The following TRMT44 variants were observed in gnomAD, a reference collection of about 807,000 sequenced individuals.
TRMT44 encodes the protein tRNA methyltransferase 44 homolog.
A neutral mutation model predicts 77.3 loss-of-function variants in TRMT44; 78 were observed. That is an observed-to-expected ratio of 1.01 (90% CI 0.84 to 1.22). The LOEUF (loss-of-function observed/expected upper bound fraction) is 1.22, where lower values mean the gene tolerates loss of function less well. TRMT44 is among the 50% of genes most tolerant of loss of function. The pLI is 0.00. For missense variants in TRMT44, 1,090 were observed against 964.4 expected (o/e 1.13, Z -1.73); for synonymous variants, 391 against 383.3 (o/e 1.02, Z -0.23).
At chr4:8,497,288 G>C (rs75962431), downstream of TRMT44, among the ~76,000 whole-genome samples, 3 of 152,162 alleles carry the variant, frequency 2.0e-5, no homozygotes, top group Admixed American at 6.5e-5. Context: ...GCAGCTGCAA[G>C]TCCACAAGCT....
the TRMT44 span, among the ~76,000 whole-genome samples, chr4:8,499,119 G>C: frequency 6.6e-6 from 1 of 152,134 alleles, no homozygotes; most frequent in Non-Finnish European, 1.5e-5. Context: ...TTCCCCAGGA[G>C]CTTCAGAGTG....
chr4:8,455,401 C>T (rs927916873), intron 6 of TRMT44, among the ~76,000 whole-genome samples: 8 of 152,244 alleles, frequency 5.3e-5, no homozygotes, highest in Non-Finnish European at 8.8e-5. Context: ...AAGCGAGATG[C>T]CCCCTGGCGG....
At chr4:8,500,479 G>A in the TRMT44 span, among the ~76,000 whole-genome samples, 1 of 152,000 alleles carries the variant, frequency 6.6e-6, no homozygotes, top group Non-Finnish European at 1.5e-5. Context: ...CTGGGCAACA[G>A]AGCGAGACTC....
At chr4:8,464,310 A>G (rs374615508) in intron 7 of TRMT44, among the ~76,000 whole-genome samples, 1 of 152,260 alleles carries the variant, frequency 6.6e-6, no homozygotes, top group Non-Finnish European at 1.5e-5. Flanking sequence ...CTACTGGAAA[A>G]TATAAAATTA....
chr4:8,504,395 G>T, the TRMT44 span, among the ~76,000 whole-genome samples: 2 of 152,180 alleles, frequency 1.3e-5, no homozygotes, highest in South Asian at 4.1e-4. This position sits in a 1 kb window ranked among gnomAD's most constrained non-coding sequence, Gnocchi z 5.3. Context: ...CCGGGCCTGC[G>T]CTGCTGCCCT....
chr4:8,508,512 C>A, the TRMT44 span, among the ~76,000 whole-genome samples: 2 of 152,238 alleles, frequency 1.3e-5, no homozygotes, highest in South Asian at 2.1e-4. Flanking sequence ...CGGAGTTGAA[C>A]CTGATGTCTG....
chr4:8,492,432 C>G (rs190181068), intron 2 of TRMT44, among the ~76,000 whole-genome samples: 1 of 152,188 alleles, frequency 6.6e-6, no homozygotes, highest in African/African-American at 2.4e-5. Flanking sequence ...GACAACTAAC[C>G]TAACCGACTC....
chr4:8,464,666 G>T (rs558576163), intron 7 of TRMT44, among the ~76,000 whole-genome samples: 1 of 152,290 alleles, frequency 6.6e-6, no homozygotes, highest in African/African-American at 2.4e-5. Flanking sequence ...CTCAGGCTTC[G>T]TTGTGCTTCC....
At chr4:8,456,197 T>C (rs2109120622) in intron 6 of TRMT44, among the ~76,000 whole-genome samples, 1 of 152,342 alleles carries the variant, frequency 6.6e-6, no homozygotes, top group Admixed American at 6.5e-5. Flanking sequence ...TCACTGCTCG[T>C]TCCTACTGCA....
In TRMT44 at chr4:8,444,584, G is replaced by C. The variant is rs910683244; in HGVS notation, c.620-1892G>C. ...AGCTAATTTTTGTATTTTTCGTAGAGATGGGGTTTCACCATGTTGGCCAGA... is the reference window on the plus strand; with the variant it reads ...AGCTAATTTTTGTATTTTTCGTAGACATGGGGTTTCACCATGTTGGCCAGA... On this transcript the variant is annotated intron_variant, in intron 1 of 10. Transcript: ENST00000389737. The surrounding 1 kb of genome is among the most constrained non-coding windows in gnomAD (Gnocchi z 4.0). Among the ~76,000 whole-genome samples, 2 of 152,208 alleles carry C rather than the reference G, an allele frequency of 1.3e-5. No homozygotes were observed. Among genetic ancestry groups the C allele is most frequent in the Non-Finnish European group, 2.9e-5 (2 of 68,036 alleles).
At chr4:8,485,319 G>A (rs886518375) in intron 2 of TRMT44, among the ~76,000 whole-genome samples, 21 of 152,274 alleles carry the variant, frequency 1.4e-4, no homozygotes, top group Admixed American at 2.0e-4. Context: ...AAGAATGTAC[G>A]GGTTGGGCAC....
Position 8,452,742 on chromosome 4 carries a change from GAAA to G in TRMT44, c.1024-130_1024-128del. The G allele has an allele frequency of 9.5e-6, 4 of 421,592 alleles. No homozygotes were observed. The highest frequency in any genetic ancestry group is 4.5e-5 in the East Asian group (1 of 21,992). 26.1% of individuals were successfully genotyped at this position (421,592 alleles called of 1,614,324 possible). ...AGAGCAACACTCCATCTCAAAAAAA[GAAA>G]AAAAAAAAAGAATGTTTAGTGTAGA... is the stretch of plus-strand genomic sequence containing the variant. On this transcript the variant is annotated intron_variant, in intron 4 of 10. Coordinates refer to ENST00000389737, the MANE Select transcript of TRMT44 (RefSeq NM_152544.3). This position sits in a 1 kb window ranked among gnomAD's most constrained non-coding sequence, Gnocchi z 5.7.
chr4:8,454,912 A>G, intron 6 of TRMT44, 99 bp downstream of exon 6: 5 of 1,053,898 alleles, frequency 4.7e-6, no homozygotes, highest in Non-Finnish European at 7.3e-6. Context: ...TCAAGCAGAC[A>G]TGCTGATAGT....
At chr4:8,475,524 G>GCGCAGGGCTGCCGCTCACTTCC in intron 10 of TRMT44, among the ~76,000 whole-genome samples, 4 of 152,166 alleles carry the variant, frequency 2.6e-5, no homozygotes, top group African/African-American at 9.7e-5. Flanking sequence ...TCCTGGGTCT[G>GCGCAGGGCTGCCGCTCACTTCC]CGCAGGGCTG....
In TRMT44 at chr4:8,470,311, T is replaced by C. The variant is rs1231701251; in HGVS notation, c.1928-773T>C. ...GTCAGGAGTGTGGTGTCCTGATCCG[T>C]AGGGGTCTGACAGGCTCAGCTGCAT... On this transcript the variant is annotated intron_variant, in intron 9 of 10. Coordinates refer to ENST00000389737, the MANE Select transcript of TRMT44 (RefSeq NM_152544.3). 2.6e-5 allele frequency among the ~76,000 whole-genome samples: 4 copies of C among 152,042 alleles called. No homozygotes were observed. The East Asian group carries it at 7.8e-4, about 30-fold the overall frequency.
intron 1 of TRMT44, among the ~76,000 whole-genome samples, chr4:8,443,885 G>A (rs576632494): frequency 2.0e-5 from 3 of 151,998 alleles, no homozygotes; most frequent in South Asian, 2.1e-4. Context: ...ACGTGAACCC[G>A]GTGAGTGGAG....
downstream of TRMT44, among the ~76,000 whole-genome samples, chr4:8,479,855 G>A (rs1727558109): frequency 2.0e-5 from 3 of 152,136 alleles, no homozygotes; most frequent in Admixed American, 6.5e-5. Context: ...ACATCGTACA[G>A]CTGTACAAAA....
chr4:8,452,888 T>C lies in TRMT44; in HGVS notation c.1030T>C (p.Trp344Arg), dbSNP rs1344224909. ...TGTTTTTCTCTTCACTTAGATTCTA[T>C]GGGAAGAAGAAAGGGCTGAGAGGAG... is the stretch of plus-strand genomic sequence containing the variant. ...VAIAAYLLIL[W>R]EEERAERRLT... is the part of the protein sequence containing the mutation. Residue 344 changes from tryptophan to arginine, a missense_variant, in exon 5 of 11, where the codon TGG becomes CGG. Coordinates refer to ENST00000389737, the MANE Select transcript of TRMT44 (RefSeq NM_152544.3). The surrounding 1 kb of genome is among the most constrained non-coding windows in gnomAD (Gnocchi z 5.7). The C allele has an allele frequency of 2.0e-6, 3 of 1,522,398 alleles. No individual in the cohort carries two copies. The highest frequency in any genetic ancestry group is 1.2e-5 in the South Asian group (1 of 82,506). 94.3% of individuals were successfully genotyped at this position (1,522,398 alleles called of 1,614,324 possible). A position where few individuals can be genotyped will look rare whatever the true frequency, so the allele number is the denominator to read the frequency against.
At chr4:8,457,480 G>A (rs1277742440) in intron 6 of TRMT44, among the ~76,000 whole-genome samples, 2 of 152,178 alleles carry the variant, frequency 1.3e-5, no homozygotes, top group Admixed American at 6.5e-5. Flanking sequence ...TGGTGTTGAT[G>A]TGGTCTGCTT....
Sources: gnomAD v4.1 joint callset for allele counts (sites outside exome capture counted in the v4.1 genomes callset) on GRCh38, gnomAD v4.1.1 for gene constraint, Gnocchi (gnomAD v3.1) non-coding constraint, MANE v1.5 for transcripts, NCBI Gene and HGNC (gene_info 2026-07-23, HGNC 2026-07-21) for gene names.